ZHX3: variants seen among roughly 807,000 people sequenced by gnomAD.
The protein encoded by ZHX3 is zinc fingers and homeoboxes protein 3.
ZHX3 carries 20 observed loss-of-function variants against 64.5 expected under a neutral mutation model. The ratio of observed to expected loss-of-function variants is 0.31; its 90% confidence interval spans 0.22 to 0.45. The LOEUF is 0.45. ZHX3 is among the 20% of genes least tolerant of loss of function. The pLI, the probability that ZHX3 is intolerant of heterozygous loss-of-function variation, is 1.00. For missense variants in ZHX3, 1,041 were observed against 1,195.8 expected (o/e 0.87, Z 1.91); for synonymous variants, 423 against 461.6 (o/e 0.92, Z 1.07).
chr20:41,220,188 C>T (rs1328353387), intron 2 of ZHX3, among the ~76,000 whole-genome samples: 2 of 152,194 alleles, frequency 1.3e-5, no homozygotes, highest in Non-Finnish European at 2.9e-5. Context: ...AGACTTTCTA[C>T]CCACCTCTGT....
At chr20:41,276,032 G>A (rs778698339) in intron 1 of ZHX3, among the ~76,000 whole-genome samples, 1 of 152,176 alleles carries the variant, frequency 6.6e-6, no homozygotes, top group Non-Finnish European at 1.5e-5. Flanking sequence ...GTGGCATAGA[G>A]GAAAATGAAC....
chr20:41,241,372 C>A (rs1191681332), intron 2 of ZHX3, among the ~76,000 whole-genome samples: 1 of 152,066 alleles, frequency 6.6e-6, no homozygotes, highest in Non-Finnish European at 1.5e-5. Flanking sequence ...TTTTTCCTAT[C>A]GAGTTGTTTG....
intron 1 of ZHX3, among the ~76,000 whole-genome samples, chr20:41,291,911 C>T (rs559424451): frequency 1.3e-5 from 2 of 148,166 alleles, no homozygotes; most frequent in Admixed American, 1.4e-4. Context: ...GGCAAGGTGG[C>T]GTGCACCTGT....
At chr20:41,310,280 A>G (rs1568968146) in intron 1 of ZHX3, among the ~76,000 whole-genome samples, 1 of 152,194 alleles carries the variant, frequency 6.6e-6, no homozygotes. Context: ...CCTGGAGATC[A>G]TGGACATTGT....
intron 1 of ZHX3, among the ~76,000 whole-genome samples, chr20:41,273,999 T>C (rs552386008): frequency 1.3e-5 from 2 of 152,332 alleles, no homozygotes; most frequent in East Asian, 1.9e-4. Context: ...ATTTTAAGGT[T>C]ATTTTAAAAT....
chr20:41,302,978 T>C (rs1041258123), intron 1 of ZHX3, among the ~76,000 whole-genome samples: 1 of 152,262 alleles, frequency 6.6e-6, no homozygotes, highest in African/African-American at 2.4e-5. Flanking sequence ...GAAGAAAGCC[T>C]GGAGCTAGGA....
At chr20:41,205,402 G>A (rs571907460) in intron 2 of ZHX3, among the ~76,000 whole-genome samples, 1 of 152,318 alleles carries the variant, frequency 6.6e-6, no homozygotes, top group African/African-American at 2.4e-5. Flanking sequence ...TTCTGACCAT[G>A]TCAGAGTGAG....
At chr20:41,186,860 T>C (rs1260212296) in intron 3 of ZHX3, among the ~76,000 whole-genome samples, 3 of 152,244 alleles carry the variant, frequency 2.0e-5, no homozygotes, top group Admixed American at 1.3e-4. Context: ...CTATACATAT[T>C]CTGAATATAA....
rs1186917896 is a variant in ZHX3 at position 41,181,734 on chromosome 20, C to G, written c.*3457G>C. 1 of 152,236 alleles carries G rather than the reference C, an allele frequency of 6.6e-6. No homozygotes were observed. Among genetic ancestry groups the G allele is most frequent in the Non-Finnish European group, 1.5e-5 (1 of 68,066 alleles). The allele number at this position is 152,236 out of a possible 1,614,324, so 9.4% of individuals were successfully genotyped here. A position where few individuals can be genotyped will look rare whatever the true frequency, so the allele number is the denominator to read the frequency against. On this transcript the variant is annotated 3_prime_UTR_variant, in exon 4 of 4. Coordinates refer to ENST00000683867, the MANE Select transcript of ZHX3 (RefSeq NM_001384317.1). ...ACCCACAAGGGCACATCTCAGGCTA[C>G]GGAATAGAGAGATTTCCTGGTGGGA...
intron 2 of ZHX3, among the ~76,000 whole-genome samples, chr20:41,223,444 G>T (rs1335834782): frequency 6.6e-6 from 1 of 152,158 alleles, no homozygotes; most frequent in Non-Finnish European, 1.5e-5. Flanking sequence ...AATCAATTAT[G>T]GCACACTTAT....
chr20:41,223,660 T>C (rs539629729), intron 2 of ZHX3, among the ~76,000 whole-genome samples: 2 of 152,322 alleles, frequency 1.3e-5, no homozygotes, highest in African/African-American at 4.8e-5. Context: ...GGGAGATGTG[T>C]TTGAGGGAAG....
At chr20:41,274,639 G>A (rs1410634590) in intron 1 of ZHX3, among the ~76,000 whole-genome samples, 2 of 152,150 alleles carry the variant, frequency 1.3e-5, no homozygotes, top group Non-Finnish European at 2.9e-5. Flanking sequence ...TCACTGTGGA[G>A]TTTTCTAAGA....
intron 1 of ZHX3, among the ~76,000 whole-genome samples, chr20:41,270,955 T>C (rs961824497): frequency 4.0e-4 from 61 of 152,212 alleles, no homozygotes; most frequent in African/African-American, 1.4e-3. Context: ...AGAAAAAGGA[T>C]TGCTTGAGGC....
chr20:41,207,028 G>C (rs2038770702), intron 2 of ZHX3, among the ~76,000 whole-genome samples: 1 of 152,166 alleles, frequency 6.6e-6, no homozygotes, highest in Admixed American at 6.5e-5. Flanking sequence ...TTTCAATCCA[G>C]AATTTCATAT....
intron 2 of ZHX3, among the ~76,000 whole-genome samples, chr20:41,260,779 G>A (rs894384895): frequency 3.3e-5 from 5 of 152,136 alleles, no homozygotes; most frequent in African/African-American, 1.2e-4. Flanking sequence ...ACAACCCTTG[G>A]TAGTAGATTC....
At position 41,215,874 on chromosome 20, in the gene ZHX3, C is replaced by T. The variant is rs1291435348; in HGVS notation, c.-150-10808G>A. Among the ~76,000 whole-genome samples, 6 of 149,662 alleles carry T rather than the reference C, an allele frequency of 4.0e-5. No individual in the cohort carries two copies. The East Asian group carries it at 1.2e-3, about 29-fold the overall frequency. ...GGCTGAGGCAGGAGAATGGAGTGAACCCAGGAGGCGGAGCTTGCAGTGAGC... is the reference window on the plus strand; with the variant it reads ...GGCTGAGGCAGGAGAATGGAGTGAATCCAGGAGGCGGAGCTTGCAGTGAGC... On this transcript the variant is annotated intron_variant, in intron 2 of 3. Coordinates refer to ENST00000683867, the MANE Select transcript of ZHX3 (RefSeq NM_001384317.1).
At chr20:41,297,679 T>A (rs376754899) in intron 1 of ZHX3, among the ~76,000 whole-genome samples, 1 of 152,008 alleles carries the variant, frequency 6.6e-6, no homozygotes, top group Non-Finnish European at 1.5e-5. Context: ...CCAGAGCAAG[T>A]GAGGAAATGG....
chr20:41,204,671 G>A lies in ZHX3; in HGVS notation c.246C>T (p.Cys82=), dbSNP rs139505605. The A allele has an allele frequency of 3.0e-4, 484 of 1,614,206 alleles. 5 individuals are homozygous for A. In the East Asian group the frequency reaches 7.4e-3, roughly 25 times the overall value. The change falls in exon 3 of 4, where the codon TGC becomes TGT. Residue 82 remains cysteine (C), a synonymous_variant. Coordinates refer to ENST00000683867, the MANE Select transcript of ZHX3 (RefSeq NM_001384317.1). This position sits in a 1 kb window ranked among gnomAD's most constrained non-coding sequence, Gnocchi z 6.6. Reference sequence around the variant, plus strand: ...GGGTCATGTCATGGGATCTGAAATCGCAGTATTTACAGGAATATAAATAGC... The same window carrying A: ...GGGTCATGTCATGGGATCTGAAATCACAGTATTTACAGGAATATAAATAGC... ...LDGYLYSCKY[C]DFRSHDMTQF... is the part of the protein sequence containing the mutation.
intron 1 of ZHX3, among the ~76,000 whole-genome samples, chr20:41,295,720 G>A (rs945560919): frequency 1.3e-5 from 2 of 152,054 alleles, no homozygotes; most frequent in South Asian, 2.1e-4. Context: ...GCGTGGTAGC[G>A]GGCACCTGTA....
Sources: gnomAD v4.1 joint callset for allele counts (sites outside exome capture counted in the v4.1 genomes callset) on GRCh38, gnomAD v4.1.1 for gene constraint, Gnocchi (gnomAD v3.1) non-coding constraint, MANE v1.5 for transcripts, NCBI Gene and HGNC (gene_info 2026-07-23, HGNC 2026-07-21) for gene names.